The following NUSAP1 variants were observed in gnomAD, a reference collection of about 807,000 sequenced individuals.
NUSAP1 encodes the protein nucleolar and spindle associated protein 1, also known as nucleolar and spindle-associated protein 1.
A neutral mutation model predicts 52.8 loss-of-function variants in NUSAP1; 32 were observed. That is an observed-to-expected ratio of 0.61 (90% confidence interval 0.46 to 0.81). The LOEUF is 0.81. Ranked by LOEUF, NUSAP1 falls within the 40% of genes least tolerant of loss-of-function variation. NUSAP1 has a pLI of 0.00. For synonymous variants in NUSAP1, 195 were observed against 183.1 expected, an observed-to-expected ratio of 1.06 and a Z score of -0.52; for missense variants, 499 against 522.3, an observed-to-expected ratio of 0.96 and a Z score of 0.43.
Position 41,373,448 on chromosome 15 carries a change from C to CTTT in NUSAP1, c.1006+1781_1006+1783dup, listed in dbSNP as rs763340655. ...ACTTCGTGGTGCAAAAATTCATATT[C>CTTT]TTTTTTTTTTTTTTTTTTTGAGACG... On this transcript the variant is annotated intron_variant, in intron 8 of 10. Coordinates refer to ENST00000559596, the MANE Select transcript of NUSAP1 (RefSeq NM_016359.5). Among the ~76,000 whole-genome samples, 126 of 117,278 alleles carry CTTT rather than the reference C, an allele frequency of 1.1e-3. 4 individuals carry two copies. Among genetic ancestry groups the CTTT allele is most frequent in the African/African-American group, 3.5e-3 (107 of 30,450 alleles). 76.9% of individuals were successfully genotyped at this position (117,278 alleles called of 152,430 possible). A position where few individuals can be genotyped will look rare whatever the true frequency, so the allele number is the denominator to read the frequency against.
intron 1 of NUSAP1, among the ~76,000 whole-genome samples, chr15:41,334,826 G>A (rs1339566329): frequency 6.6e-6 from 1 of 152,168 alleles, no homozygotes; most frequent in African/African-American, 2.4e-5. Context: ...GGGATTACAG[G>A]CGTGACCCAC....
chr15:41,335,511 A>C (rs932380441), intron 1 of NUSAP1, among the ~76,000 whole-genome samples: 1 of 138,146 alleles, frequency 7.2e-6, no homozygotes, highest in Non-Finnish European at 1.5e-5. Flanking sequence ...TTTAGTATAG[A>C]TATACTATAT....
chr15:41,361,168 C>T (rs1012035000), intron 6 of NUSAP1, among the ~76,000 whole-genome samples: 3 of 151,136 alleles, frequency 2.0e-5, no homozygotes, highest in African/African-American at 4.9e-5. Context: ...CTGAGGCAGG[C>T]GGATCACCTG....
rs75426159 is a variant in NUSAP1, at chr15:41,336,648, G to GTTTT, written c.93+3616_93+3619dup. 5.9e-4 allele frequency among the ~76,000 whole-genome samples: 54 copies of GTTTT among 91,340 alleles called. 1 individual carries two copies. The highest frequency in any genetic ancestry group is 1.6e-3 in the African/African-American group (41 of 24,958). 59.9% of individuals were successfully genotyped at this position (91,340 alleles called of 152,430 possible). A position where few individuals can be genotyped will look rare whatever the true frequency, so the allele number is the denominator to read the frequency against. The stretch of plus-strand genomic sequence containing the variant: ...TGGGCATTTGATCCTCCTCCTTTTG[G>GTTTT]TTTTTTTTTTTTTTTTTTTTTGAGA... On this transcript the variant is annotated intron_variant, in intron 1 of 10. Transcript: ENST00000559596.
At chr15:41,377,812 T>C (rs982567978) in intron 10 of NUSAP1, among the ~76,000 whole-genome samples, 4 of 150,024 alleles carry the variant, frequency 2.7e-5, no homozygotes, top group Non-Finnish European at 4.4e-5. Flanking sequence ...CCATCCTGGC[T>C]AACGCATTGA....
At chr15:41,371,719 A>G in intron 8 of NUSAP1, 35 bp downstream of exon 8, 1 of 1,562,400 alleles carries the variant, frequency 6.4e-7, no homozygotes, top group Non-Finnish European at 8.6e-7. Context: ...AATCTGTTTC[A>G]TTTTTAAGCC....
chr15:41,370,665 G>A (rs1214870466), intron 7 of NUSAP1, among the ~76,000 whole-genome samples: 1 of 149,194 alleles, frequency 6.7e-6, no homozygotes, highest in African/African-American at 2.5e-5. Flanking sequence ...CAGTAGAATC[G>A]CTTGAACCTG....
chr15:41,372,625 G>A (rs2049746901), intron 8 of NUSAP1, among the ~76,000 whole-genome samples: 1 of 152,196 alleles, frequency 6.6e-6, no homozygotes, highest in South Asian at 2.1e-4. Context: ...GCAGTGTATG[G>A]CAGTCCCTTG....
Position 41,358,708 on chromosome 15 carries a change from T to C in NUSAP1, c.660+450T>C, listed in dbSNP as rs1331005730. ...GAGATCGCGCCACTGCACTCCAGCC[T>C]GGGTGACAGAGTGAGACTCCGTCTC... is the stretch of plus-strand genomic sequence containing the variant. On this transcript the variant is annotated intron_variant, in intron 6 of 10. Coordinates refer to ENST00000559596, the MANE Select transcript of NUSAP1 (RefSeq NM_016359.5). Among the ~76,000 whole-genome samples, 3 of 152,162 alleles carry C rather than the reference T, an allele frequency of 2.0e-5. No homozygotes were observed. In the East Asian group the frequency reaches 5.8e-4, roughly 29 times the overall value.
intron 10 of NUSAP1, among the ~76,000 whole-genome samples, chr15:41,378,634 G>A (rs961217975): frequency 2.0e-5 from 3 of 152,102 alleles, no homozygotes; most frequent in African/African-American, 4.8e-5. Context: ...GCCGGGCGTG[G>A]TGGCACATAC....
chr15:41,358,060 A>T, intron 5 of NUSAP1, 89 bp from the exon 6 acceptor site: 1 of 565,864 alleles, frequency 1.8e-6, no homozygotes, highest in Non-Finnish European at 3.1e-6. Flanking sequence ...AGGGATGCAA[A>T]GAAGAGAATA....
chr15:41,356,887 CACATAG>C, intron 5 of NUSAP1, among the ~76,000 whole-genome samples: 1 of 152,182 alleles, frequency 6.6e-6, no homozygotes, highest in Non-Finnish European at 1.5e-5. Context: ...CATTGCTTGG[CACATAG>C]AATGTTGATT....
chr15:41,377,202 TAAAA>T lies in NUSAP1; in HGVS notation c.1131_1134del (p.Lys378HisfsTer11). 1 of 1,493,304 alleles carries T rather than the reference TAAAA, an allele frequency of 6.7e-7. No individual in the cohort carries two copies. The highest frequency in any genetic ancestry group is 9.0e-7 in the Non-Finnish European group (1 of 1,106,726). 92.5% of individuals were successfully genotyped at this position (1,493,304 alleles called of 1,614,324 possible). A position where few individuals can be genotyped will look rare whatever the true frequency, so the allele number is the denominator to read the frequency against. ...TGTCTCTGTCCTAAACTAGGAAAGCTAAAACCATGGGGGCAATCTAAAGAAAATA... is the reference window on the plus strand; with the variant it reads ...TGTCTCTGTCCTAAACTAGGAAAGCTCCATGGGGGCAATCTAAAGAAAATA... On this transcript the variant is annotated frameshift_variant, in exon 10 of 11. Transcript: ENST00000559596. LOFTEE classifies it high-confidence loss of function.
At chr15:41,363,164 G>A (rs908256666) in intron 6 of NUSAP1, among the ~76,000 whole-genome samples, 2 of 151,494 alleles carry the variant, frequency 1.3e-5, no homozygotes, top group Non-Finnish European at 2.9e-5. Context: ...GCAGATGCCT[G>A]TAATCCCAGC....
chr15:41,375,139 A>C (rs1595606711), intron 8 of NUSAP1, among the ~76,000 whole-genome samples: 1 of 147,338 alleles, frequency 6.8e-6, no homozygotes, highest in East Asian at 2.0e-4. Context: ...CCTACTCGGC[A>C]TGGGACTACA....
chr15:41,348,984 T>C, intron 2 of NUSAP1, 114 bp from the exon 3 acceptor site: 1 of 1,080,936 alleles, frequency 9.3e-7, no homozygotes, highest in East Asian at 2.6e-5. Flanking sequence ...TAGAGAGTTT[T>C]AAATTTTTTC....
rs184802381 is a variant in NUSAP1, at chr15:41,367,688, G to T, written c.848+2099G>T. On this transcript the variant is annotated intron_variant, in intron 7 of 10. Transcript: ENST00000559596. ...TTAGACTTGGGTATTATTAGACTTG[G>T]GTATTCTCCCGTAGTAAGGACTGTA... Among the ~76,000 whole-genome samples the T allele has an allele frequency of 1.1e-4, 17 of 152,222 alleles. 1 individual carries two copies. In the East Asian group the frequency reaches 2.9e-3, roughly 26 times the overall value.
intron 1 of NUSAP1, among the ~76,000 whole-genome samples, chr15:41,340,636 A>G (rs943463418): frequency 1.3e-5 from 2 of 152,156 alleles, no homozygotes; most frequent in African/African-American, 2.4e-5. Flanking sequence ...GCCTCACTTC[A>G]TGCATTTTTG....
At chr15:41,345,633 A>G (rs935937564) in intron 2 of NUSAP1, 4 of 287,318 alleles carry the variant, frequency 1.4e-5, no homozygotes, top group Non-Finnish European at 2.7e-5. Context: ...ATAATTGTGT[A>G]TTTTTAGTAG....
Sources: gnomAD v4.1 joint callset for allele counts (sites outside exome capture counted in the v4.1 genomes callset) on GRCh38, gnomAD v4.1.1 for gene constraint, MANE v1.5 for transcripts, NCBI Gene and HGNC (gene_info 2026-07-23, HGNC 2026-07-21) for gene names.